Variants in CACUL1 observed in about 807,000 individuals in gnomAD.
CACUL1 encodes CDK2-associated and cullin domain-containing protein 1.
CACUL1 carries 13 observed loss-of-function variants against 45.2 expected under a neutral mutation model. The observed-to-expected ratio is 0.29, with a 90% CI of 0.19 to 0.46. The LOEUF (loss-of-function observed/expected upper bound fraction) is 0.46, where lower values mean the gene tolerates loss of function less well. CACUL1 is among the 20% of genes least tolerant of loss of function. The probability of loss-of-function intolerance (pLI) is 1.00; values close to 1 mark genes in which losing one functional copy is unlikely to be tolerated. For missense variants in CACUL1, 421 were observed against 471.4 expected, an observed-to-expected ratio of 0.89 and a Z score of 0.99; for synonymous variants, 197 against 174.2, an observed-to-expected ratio of 1.13 and a Z score of -1.03.
chr10:118,754,530 G>A lies in CACUL1; in HGVS notation c.233C>T (p.Pro78Leu), dbSNP rs756223317. The A allele has an allele frequency of 5.6e-6, 9 of 1,612,804 alleles. No homozygotes were observed. The highest frequency in any genetic ancestry group is 1.7e-4 in the Middle Eastern group (1 of 6,056). Residue 78 changes from proline to leucine, a missense_variant, in exon 1 of 9, where the codon CCG becomes CTG. This residue lies in a region of CACUL1 where 213 missense variants were observed against 173.1 expected (regional missense o/e 1.23). Coordinates refer to ENST00000369151, the MANE Select transcript of CACUL1 (RefSeq NM_153810.5). ...CCCATTAGCCTCCGGCGGTGGCTGC[G>A]GCCCCATCGGGAGCCCCTCCTTGGG... ...KGPKEGLPMG[P>L]QPPPEANGVI...
At chr10:118,741,781 C>T (rs565954533) in intron 1 of CACUL1, among the ~76,000 whole-genome samples, 1 of 152,306 alleles carries the variant, frequency 6.6e-6, no homozygotes, top group South Asian at 2.1e-4. Flanking sequence ...TAAAACCTCC[C>T]ATTACTACAG....
chr10:118,754,489 T>G lies in CACUL1; in HGVS notation c.274A>C (p.Lys92Gln), dbSNP rs2119695596. 1 of 1,612,780 alleles carries G rather than the reference T, an allele frequency of 6.2e-7. No homozygotes were observed. The highest frequency in any genetic ancestry group is 1.7e-4 in the Middle Eastern group (1 of 6,056). The change falls in exon 1 of 9, where the codon AAG becomes CAG. Residue 92 changes from lysine to glutamine, a missense_variant. By Grantham distance (53) the Lys-to-Gln change is moderately conservative (BLOSUM62 1). Transcript: ENST00000369151. ...PEANGVIMMLKSCDAAAAVAK... is the reference protein window; with the variant it reads ...PEANGVIMMLQSCDAAAAVAK... ...ACGGCGGCGGCCGCGTCGCAGCTCT[T>G]CAACATCATGATCACCCCATTAGCC...
chr10:118,720,517 A>C (rs1051322369), intron 3 of CACUL1, among the ~76,000 whole-genome samples: 1 of 152,256 alleles, frequency 6.6e-6, no homozygotes, highest in Non-Finnish European at 1.5e-5. Flanking sequence ...TACAATTCAT[A>C]ATTGTACTCT....
intron 3 of CACUL1, among the ~76,000 whole-genome samples, chr10:118,715,243 T>C (rs142948169): frequency 6.6e-4 from 101 of 152,300 alleles, no homozygotes; most frequent in African/African-American, 2.4e-3. Context: ...GTGTGAGAAA[T>C]GCCTTACAGC....
Position 118,680,797 on chromosome 10 carries a change from T to C in CACUL1, c.*5331A>G, listed in dbSNP as rs1267232229. On this transcript the variant is annotated 3_prime_UTR_variant, in exon 9 of 9. Coordinates refer to ENST00000369151, the MANE Select transcript of CACUL1 (RefSeq NM_153810.5). ...TTAGCACTGGTTGCAGAAGTCAAGA[T>C]CAACACTCACCCTGCAGGCTAAGTA... 6.6e-6 allele frequency: 1 copy of C among 152,224 alleles called. No homozygotes were observed. Among genetic ancestry groups the C allele is most frequent in the African/African-American group, 2.4e-5 (1 of 41,460 alleles). The allele number at this position is 152,224 out of a possible 1,614,324, so 9.4% of individuals were successfully genotyped here.
intron 1 of CACUL1, among the ~76,000 whole-genome samples, chr10:118,737,837 C>T (rs1325207600): frequency 6.6e-6 from 1 of 152,130 alleles, no homozygotes; most frequent in African/African-American, 2.4e-5. Flanking sequence ...CATGTTATGA[C>T]ATACATGCAT....
At position 118,754,767 on chromosome 10, in the gene CACUL1, C is replaced by G; in HGVS notation, c.-5G>C. 1.3e-6 allele frequency: 2 copies of G among 1,551,726 alleles called. No homozygotes were observed. Among genetic ancestry groups the G allele is most frequent in the Non-Finnish European group, 1.7e-6 (2 of 1,153,644 alleles). On this transcript the variant is annotated 5_prime_UTR_variant, in exon 1 of 9. Coordinates refer to ENST00000369151, the MANE Select transcript of CACUL1 (RefSeq NM_153810.5). ...CTCTTCCATGCTTTCCTCCATCCTG[C>G]TGGCCCCCGGCACCCGCCCGCCTCA...
intron 5 of CACUL1, among the ~76,000 whole-genome samples, chr10:118,696,907 A>T (rs934593838): frequency 6.6e-6 from 1 of 152,224 alleles, no homozygotes; most frequent in African/African-American, 2.4e-5. Context: ...TTCGTATTCA[A>T]CCACATATTC....
In CACUL1 at chr10:118,695,178, C is replaced by T; in HGVS notation, c.849G>A (p.Met283Ile). The T allele has an allele frequency of 6.2e-7, 1 of 1,608,778 alleles. No individual in the cohort carries two copies. Among genetic ancestry groups the T allele is most frequent in the Non-Finnish European group, 8.5e-7 (1 of 1,175,324 alleles). Residue 283 changes from methionine to isoleucine, a missense_variant, in exon 6 of 9, where the codon ATG (methionine) becomes ATA (isoleucine). By Grantham distance (10) the Met-to-Ile change is conservative. This residue lies in a region of CACUL1 where 208 missense variants were observed against 298.4 expected (regional missense o/e 0.70). Transcript: ENST00000369151. The stretch of plus-strand genomic sequence containing the variant: ...TATACAGGCCTTTCACAATATTTGC[C>T]ATAGTTGAAGGTGTGACCTGAAATG... ...STPFQVTPST[M>I]ANIVKGLYTL...
At position 118,678,509 on chromosome 10, in the gene CACUL1, G is replaced by A. The variant is rs574187685; in HGVS notation, c.*7619C>T. 2.6e-5 allele frequency: 4 copies of A among 152,246 alleles called. No homozygotes were observed. The East Asian group carries it at 7.7e-4, about 29-fold the overall frequency. The allele number at this position is 152,246 out of a possible 1,614,324, so 9.4% of individuals were successfully genotyped here. On this transcript the variant is annotated 3_prime_UTR_variant, in exon 9 of 9. Coordinates refer to ENST00000369151, the MANE Select transcript of CACUL1 (RefSeq NM_153810.5). ...ACGAATCAAATTGTCAGGTTCCACA[G>A]TGAAAATCATTGGGAATTTTTTTGG...
intron 5 of CACUL1, among the ~76,000 whole-genome samples, chr10:118,699,035 A>C (rs924211693): frequency 6.6e-6 from 1 of 152,232 alleles, no homozygotes; most frequent in Non-Finnish European, 1.5e-5. Flanking sequence ...CTCCATCTAT[A>C]AAATGGAGGT....
chr10:118,735,954 A>C (rs1215853953), intron 1 of CACUL1, among the ~76,000 whole-genome samples: 1 of 152,118 alleles, frequency 6.6e-6, no homozygotes, highest in African/African-American at 2.4e-5. Flanking sequence ...CGAGCTAGTT[A>C]ATGTATGCTA....
chr10:118,730,207 T>C (rs952285679), intron 2 of CACUL1, 77 bp downstream of exon 2: 2 of 1,427,702 alleles, frequency 1.4e-6, no homozygotes, highest in Non-Finnish European at 2.0e-6. Context: ...ACATTACATG[T>C]TTGTGTGAGG....
chr10:118,734,957 T>C (rs1011230797), intron 1 of CACUL1, among the ~76,000 whole-genome samples: 1 of 152,248 alleles, frequency 6.6e-6, no homozygotes. Context: ...AGAATAAATA[T>C]GTTCAACTCT....
At chr10:118,741,465 GACAC>G (rs111918500) in intron 1 of CACUL1, among the ~76,000 whole-genome samples, 1 of 139,250 alleles carries the variant, frequency 7.2e-6, no homozygotes, top group Non-Finnish European at 1.5e-5. Flanking sequence ...GAGACAGACA[GACAC>G]ACACACACAC....
intron 1 of CACUL1, among the ~76,000 whole-genome samples, chr10:118,738,528 T>C (rs909170605): frequency 1.5e-5 from 2 of 136,436 alleles, no homozygotes; most frequent in Non-Finnish European, 3.1e-5. Context: ...GATCCTTCTC[T>C]AGAGAAACTA....
At chr10:118,742,746 T>G (rs1845804423) in intron 1 of CACUL1, among the ~76,000 whole-genome samples, 1 of 152,162 alleles carries the variant, frequency 6.6e-6, no homozygotes, top group Non-Finnish European at 1.5e-5. Context: ...TAAGCAGAAC[T>G]CTAGTTAGAG....
At chr10:118,713,139 A>G (rs1845507354) in intron 3 of CACUL1, among the ~76,000 whole-genome samples, 1 of 152,200 alleles carries the variant, frequency 6.6e-6, no homozygotes. Flanking sequence ...CCGAGGCAGC[A>G]GAGGGCTAGT....
intron 6 of CACUL1, chr10:118,692,860 A>G (rs1166936775): frequency 1.3e-5 from 2 of 152,234 alleles, no homozygotes; most frequent in Non-Finnish European, 2.9e-5. Flanking sequence ...AAAGCTGGCA[A>G]ATAAGCACTG....
Sources: allele counts gnomAD v4.1 joint callset (sites outside exome capture counted in the v4.1 genomes callset), GRCh38; gene constraint gnomAD v4.1.1; regional missense constraint gnomAD v4.1.1; transcripts MANE v1.5; gene names NCBI Gene and HGNC (gene_info 2026-07-23, HGNC 2026-07-21).